Variants in NT5C2 observed in about 807,000 individuals in gnomAD.
NT5C2 encodes 5'-nucleotidase, cytosolic II, also known as cytosolic purine 5'-nucleotidase.
Under a neutral mutation model 76.1 loss-of-function variants are expected in NT5C2, and 58 were observed. The ratio of observed to expected loss-of-function variants is 0.76; its 90% confidence interval spans 0.62 to 0.95. NT5C2 has a LOEUF of 0.95. NT5C2 is among the 40% of genes least tolerant of loss of function. NT5C2 has a pLI of 0.00. For synonymous variants in NT5C2, 229 were observed against 237.4 expected (o/e 0.96, Z 0.32); for missense variants, 478 against 690.3 (o/e 0.69, Z 3.45).
At chr10:103,125,073 G>T (rs541872377) in intron 4 of NT5C2, 12 of 292,728 alleles carry the variant, frequency 4.1e-5, no homozygotes, top group Non-Finnish European at 7.9e-5. Context: ...GCTTCTTCAC[G>T]GTCTATGATG....
chr10:103,125,296 TAAAAAA>T, intron 4 of NT5C2: 1 of 448,858 alleles, frequency 2.2e-6, no homozygotes, highest in South Asian at 2.1e-5. Flanking sequence ...TTGTCACAGT[TAAAAAA>T]AAAAAAAAAG....
intron 3 of NT5C2, among the ~76,000 whole-genome samples, chr10:103,172,468 C>T (rs896678335): frequency 1.3e-5 from 2 of 151,538 alleles, no homozygotes; most frequent in African/African-American, 4.8e-5. Context: ...AGGAAGGTCT[C>T]GATCTCCTGA....
At chr10:103,175,230 T>C (rs932117401) in intron 2 of NT5C2, among the ~76,000 whole-genome samples, 2 of 152,204 alleles carry the variant, frequency 1.3e-5, no homozygotes, top group African/African-American at 4.8e-5. Context: ...TAATTAAGCA[T>C]GGCTGCCAGT....
intron 3 of NT5C2, among the ~76,000 whole-genome samples, chr10:103,151,801 CATTT>C (rs992593635): frequency 1.1e-4 from 16 of 152,008 alleles, no homozygotes; most frequent in African/African-American, 3.9e-4. Flanking sequence ...AAAATGTATC[CATTT>C]ATTTCTAAAG....
chr10:103,103,005 G>C (rs1170060714), intron 6 of NT5C2, among the ~76,000 whole-genome samples: 1 of 151,776 alleles, frequency 6.6e-6, no homozygotes, highest in African/African-American at 2.4e-5. Context: ...AGGTTTAAAA[G>C]AAAAAAGCCA....
intron 9 of NT5C2, 36 bp downstream of exon 9, chr10:103,099,890 A>G (rs1303059734): frequency 1.5e-6 from 2 of 1,302,624 alleles, no homozygotes; most frequent in Non-Finnish European, 2.2e-6. Flanking sequence ...AATACATGCC[A>G]GAAAGCAAGC....
intron 4 of NT5C2, among the ~76,000 whole-genome samples, chr10:103,110,298 A>C (rs1452718349): frequency 6.6e-6 from 1 of 152,112 alleles, no homozygotes; most frequent in Non-Finnish European, 1.5e-5. Flanking sequence ...TCTACTAAAA[A>C]CACAAAAATT....
At chr10:103,193,043 G>C (rs2092766872) in intron 1 of NT5C2, among the ~76,000 whole-genome samples, 193 bp downstream of exon 1, 1 of 151,584 alleles carries the variant, frequency 6.6e-6, no homozygotes, top group African/African-American at 2.4e-5. Flanking sequence ...TGGGAGGCGT[G>C]CGGCGTCCGC....
At position 103,094,436 on chromosome 10, in the gene NT5C2, G is replaced by C; in HGVS notation, c.833C>G (p.Pro278Arg). The C allele has an allele frequency of 6.2e-7, 1 of 1,612,564 alleles. No homozygotes were observed. The highest frequency in any genetic ancestry group is 1.3e-5 in the African/African-American group (1 of 74,956). The change falls in exon 13 of 19, where the codon CCA (proline) becomes CGA (arginine). Residue 278 changes from proline (P) to arginine (R), a missense_variant. Coordinates refer to ENST00000404739, the MANE Select transcript of NT5C2 (RefSeq NM_001351169.2). ...GATCAAGTCAAAGTAGGACTGCCAT[G>C]GTCGATGGGAGCTCCCAGGCTGGTG... is the stretch of plus-strand genomic sequence containing the variant. ...HGPKPGSSHR[P>R]WQSYFDLILV...
intron 4 of NT5C2, among the ~76,000 whole-genome samples, chr10:103,108,330 C>G (rs905040789): frequency 2.0e-5 from 3 of 152,132 alleles, no homozygotes; most frequent in African/African-American, 4.8e-5. Flanking sequence ...AAATATCCAT[C>G]CTATTCTTGT....
Position 103,090,812 on chromosome 10 carries a change from C to T in NT5C2, c.1273-25G>A, listed in dbSNP as rs3736923. On this transcript the variant is annotated intron_variant, in intron 17 of 18. Transcript: ENST00000404739. ...TCTAAAACAAAGAACAAGATTGATT[C>T]TTGGCTCATTCAACAAATATTTATT... 4.0e-3 allele frequency: 6,461 copies of T among 1,611,758 alleles called. 199 individuals are homozygous for T. In the East Asian group the frequency reaches 0.079, roughly 20 times the overall value.
rs199588287 is a variant in NT5C2, at chr10:103,094,430, T to G, written c.839A>C (p.Gln280Pro). 1.9e-6 allele frequency: 3 copies of G among 1,613,472 alleles called. No homozygotes were observed. Among genetic ancestry groups the G allele is most frequent in the Admixed American group, 3.3e-5 (2 of 60,012 alleles). Residue 280 changes from glutamine to proline, a missense_variant, in exon 13 of 19, where the codon CAG becomes CCG. Transcript: ENST00000404739. ...CACCAAGATCAAGTCAAAGTAGGACTGCCATGGTCGATGGGAGCTCCCAGG... is the reference window on the plus strand; with the variant it reads ...CACCAAGATCAAGTCAAAGTAGGACGGCCATGGTCGATGGGAGCTCCCAGG... ...PKPGSSHRPWQSYFDLILVDA... is the reference protein window; with the variant it reads ...PKPGSSHRPWPSYFDLILVDA...
intron 4 of NT5C2, among the ~76,000 whole-genome samples, chr10:103,116,804 G>A (rs937419308): frequency 3.3e-5 from 5 of 151,200 alleles, no homozygotes; most frequent in Non-Finnish European, 7.4e-5. Flanking sequence ...AGAACTCCTG[G>A]CCTTAAGTGA....
intron 3 of NT5C2, among the ~76,000 whole-genome samples, chr10:103,154,846 T>C (rs1407745977): frequency 6.6e-6 from 1 of 152,240 alleles, no homozygotes; most frequent in Admixed American, 6.5e-5. Context: ...AAATTGAATA[T>C]GGAAAAATGA....
At position 103,129,859 on chromosome 10, in the gene NT5C2, C is replaced by T. The variant is rs369220335; in HGVS notation, c.175+9547G>A. 1.2e-4 allele frequency among the ~76,000 whole-genome samples: 8 copies of T among 68,990 alleles called. No individual in the cohort carries two copies. In the South Asian group the frequency reaches 4.8e-3, roughly 42 times the overall value. 45.3% of individuals were successfully genotyped at this position (68,990 alleles called of 152,430 possible). A position where few individuals can be genotyped will look rare whatever the true frequency, so the allele number is the denominator to read the frequency against. ...TGAGGAGCCCCTCTGCCCGGCCAGC[C>T]GCCCTGTCCGGGAGGGAGGTGGGGG... On this transcript the variant is annotated intron_variant, in intron 4 of 18. Coordinates refer to ENST00000404739, the MANE Select transcript of NT5C2 (RefSeq NM_001351169.2).
chr10:103,152,548 G>T (rs909723169), intron 3 of NT5C2, among the ~76,000 whole-genome samples: 17 of 152,176 alleles, frequency 1.1e-4, no homozygotes, highest in African/African-American at 3.9e-4. Flanking sequence ...ATAGATTCCA[G>T]AAAAATAAAA....
intron 3 of NT5C2, among the ~76,000 whole-genome samples, chr10:103,170,401 T>A (rs1363941467): frequency 2.6e-5 from 4 of 152,114 alleles, no homozygotes; most frequent in Non-Finnish European, 5.9e-5. Flanking sequence ...ACATACACCT[T>A]ACTATATGAA....
chr10:103,161,643 G>A (rs186512466), intron 3 of NT5C2, among the ~76,000 whole-genome samples: 17 of 152,160 alleles, frequency 1.1e-4, no homozygotes, highest in African/African-American at 4.1e-4. Context: ...AGTATCATTT[G>A]AGCCCATGAG....
chr10:103,165,120 G>A (rs2086043567), intron 3 of NT5C2, among the ~76,000 whole-genome samples: 1 of 152,126 alleles, frequency 6.6e-6, no homozygotes, highest in Admixed American at 6.5e-5. Flanking sequence ...TAAGAGACAG[G>A]GTCTCGCTCT....
Sources: allele counts gnomAD v4.1 joint callset (sites outside exome capture counted in the v4.1 genomes callset), GRCh38; gene constraint gnomAD v4.1.1; transcripts MANE v1.5; gene names NCBI Gene and HGNC (gene_info 2026-07-23, HGNC 2026-07-21).